Variants in AFG2A observed in about 807,000 individuals in gnomAD.
The protein encoded by AFG2A is ATPase family gene 2 protein homolog A.
chr4:123,155,513 G>A, the AFG2A span, among the ~76,000 whole-genome samples: 4 of 151,824 alleles, frequency 2.6e-5, no homozygotes, highest in African/African-American at 9.7e-5. Flanking sequence ...AATTGGCCTT[G>A]TGTATCTTTT....
At chr4:123,305,927 C>T in the AFG2A span, among the ~76,000 whole-genome samples, 4 of 152,302 alleles carry the variant, frequency 2.6e-5, no homozygotes, top group Admixed American at 6.5e-5. Context: ...GCCTCTTTTG[C>T]CCTTTTGCAT....
At chr4:123,049,545 T>A in the AFG2A span, among the ~76,000 whole-genome samples, 1 of 152,094 alleles carries the variant, frequency 6.6e-6, no homozygotes, top group Non-Finnish European at 1.5e-5. Flanking sequence ...TTTCTGTTTT[T>A]TTCATGGTTA....
chr4:123,153,850 A>G, the AFG2A span, among the ~76,000 whole-genome samples: 1 of 152,332 alleles, frequency 6.6e-6, no homozygotes, highest in Admixed American at 6.5e-5. Context: ...AAGGAAAAAA[A>G]GTAATAATTG....
the AFG2A span, among the ~76,000 whole-genome samples, chr4:123,137,415 C>T: frequency 1.3e-5 from 2 of 152,158 alleles, no homozygotes. Context: ...TGTGTTGAAG[C>T]TCTATTCTTA....
the AFG2A span, among the ~76,000 whole-genome samples, chr4:123,246,371 T>C: frequency 3.3e-5 from 5 of 152,188 alleles, no homozygotes; most frequent in East Asian, 9.6e-4. Flanking sequence ...CCTGTGCTTC[T>C]TCCACACTGC....
the AFG2A span, among the ~76,000 whole-genome samples, chr4:123,118,161 T>C: frequency 2.0e-5 from 3 of 151,240 alleles, no homozygotes; most frequent in African/African-American, 7.3e-5. Flanking sequence ...AAGATATACA[T>C]GCTCATTCCT....
At chr4:122,929,193 C>G in the AFG2A span, 1 of 1,580,024 alleles carries the variant, frequency 6.3e-7, no homozygotes, top group Non-Finnish European at 8.6e-7. Context: ...GGATGTGGCA[C>G]TGAGGTTTGG....
the AFG2A span, among the ~76,000 whole-genome samples, chr4:123,194,302 G>A: frequency 6.6e-6 from 1 of 152,162 alleles, no homozygotes; most frequent in Non-Finnish European, 1.5e-5. Context: ...AAATAACTCT[G>A]ACGATAGCTG....
chr4:123,075,005 G>A, the AFG2A span, among the ~76,000 whole-genome samples: 30 of 152,188 alleles, frequency 2.0e-4, no homozygotes, highest in South Asian at 6.0e-3. Context: ...GTGCAGTGGC[G>A]ACATCTCAGT....
chr4:122,939,069 T>A, the AFG2A span, among the ~76,000 whole-genome samples: 1 of 135,768 alleles, frequency 7.4e-6, no homozygotes, highest in African/African-American at 2.7e-5. Flanking sequence ...AGGGGATATG[T>A]TCTTTCTTTT....
the AFG2A span, among the ~76,000 whole-genome samples, chr4:123,122,047 A>G: frequency 6.6e-6 from 1 of 152,180 alleles, no homozygotes; most frequent in Admixed American, 6.5e-5. Flanking sequence ...TCCCTGCTGG[A>G]TTTTGTTTGA....
chr4:123,116,418 A>G, the AFG2A span, among the ~76,000 whole-genome samples: 182 of 152,180 alleles, frequency 1.2e-3, 1 homozygote, highest in African/African-American at 4.2e-3. Context: ...ATTCTTCTCA[A>G]CCTCCCTCCA....
the AFG2A span, among the ~76,000 whole-genome samples, chr4:123,204,146 A>G: frequency 1.3e-5 from 2 of 152,220 alleles, no homozygotes; most frequent in East Asian, 3.8e-4. Flanking sequence ...TCAACTGATC[A>G]ACGACCTGGA....
At chr4:123,007,189 G>A in the AFG2A span, among the ~76,000 whole-genome samples, 1 of 151,756 alleles carries the variant, frequency 6.6e-6, no homozygotes, top group Non-Finnish European at 1.5e-5. Context: ...AATTTTCTGA[G>A]GTGAGACTAA....
At chr4:122,994,596 A>T in the AFG2A span, among the ~76,000 whole-genome samples, 1 of 152,118 alleles carries the variant, frequency 6.6e-6, no homozygotes, top group Admixed American at 6.6e-5. Context: ...ATTCATCTTT[A>T]TACTTTTTGA....
chr4:123,106,917 T>C, the AFG2A span, among the ~76,000 whole-genome samples: 1 of 152,252 alleles, frequency 6.6e-6, no homozygotes, highest in Admixed American at 6.5e-5. Flanking sequence ...TTCCTGCCAC[T>C]ATGCACAGTC....
the AFG2A span, among the ~76,000 whole-genome samples, chr4:123,105,908 C>T: frequency 2.6e-5 from 4 of 152,228 alleles, no homozygotes; most frequent in Admixed American, 2.6e-4. Flanking sequence ...TTTAGTATAT[C>T]GTGTAAGTTT....
chr4:122,947,178 CTT>C, the AFG2A span: 1 of 1,343,658 alleles, frequency 7.4e-7, no homozygotes, highest in Non-Finnish European at 9.9e-7. Flanking sequence ...GTGCCTCTCA[CTT>C]TTTTTTTTCT....
chr4:123,110,629 G>A, the AFG2A span, among the ~76,000 whole-genome samples: 2 of 152,100 alleles, frequency 1.3e-5, no homozygotes, highest in African/African-American at 4.8e-5. Context: ...GAAAAACCCA[G>A]AAATATTACT....
Sources: gnomAD v4.1 joint callset for allele counts (sites outside exome capture counted in the v4.1 genomes callset) on GRCh38, gnomAD v4.1.1 for gene constraint, MANE v1.5 for transcripts, NCBI Gene and HGNC (gene_info 2026-07-23, HGNC 2026-07-21) for gene names.